DPP4: variants seen among roughly 807,000 people sequenced by gnomAD.
DPP4 encodes the protein ADCP-2.
A neutral mutation model predicts 122.4 loss-of-function variants in DPP4; 93 were observed. The ratio of observed to expected loss-of-function variants is 0.76; its 90% CI spans 0.64 to 0.90. DPP4 has a LOEUF of 0.90. Ranked by LOEUF, DPP4 falls within the 40% of genes least tolerant of loss-of-function variation. DPP4 has a pLI of 0.00. For synonymous variants in DPP4, 321 were observed against 302.9 expected, an observed-to-expected ratio of 1.06 and a Z score of -0.62; for missense variants, 914 against 907.3, an observed-to-expected ratio of 1.01 and a Z score of -0.09.
chr2:161,995,984 G>A (rs1259125937), intron 23 of DPP4, among the ~76,000 whole-genome samples: 3 of 152,076 alleles, frequency 2.0e-5, no homozygotes, highest in Non-Finnish European at 4.4e-5. Context: ...AGTGGCCTTA[G>A]AAAATCAGTG....
At chr2:162,039,575 T>C (rs1269275758) in intron 5 of DPP4, among the ~76,000 whole-genome samples, 2 of 152,116 alleles carry the variant, frequency 1.3e-5, no homozygotes, top group African/African-American at 4.8e-5. Flanking sequence ...CTGATGGTGA[T>C]GTGAAGAAAT....
intron 2 of DPP4, among the ~76,000 whole-genome samples, chr2:162,049,509 A>C (rs1223223370): frequency 1.3e-5 from 2 of 152,174 alleles, no homozygotes; most frequent in African/African-American, 4.8e-5. Flanking sequence ...GAGAGAGAGC[A>C]TCAGGAAGAA....
At chr2:161,995,211 A>T in intron 24 of DPP4, 89 bp downstream of exon 24, 1 of 1,366,486 alleles carries the variant, frequency 7.3e-7, no homozygotes, top group East Asian at 2.3e-5. Flanking sequence ...AGTAAATGTA[A>T]CAGTCTTGCC....
chr2:162,038,883 T>G, intron 7 of DPP4, 66 bp downstream of exon 7: 1 of 1,363,338 alleles, frequency 7.3e-7, no homozygotes, highest in Non-Finnish European at 1.1e-6. Context: ...TGTATCAGGG[T>G]TAGTAACTTC....
chr2:162,000,733 TCTC>T (rs1701126396), intron 23 of DPP4, among the ~76,000 whole-genome samples: 1 of 152,186 alleles, frequency 6.6e-6, no homozygotes, highest in Admixed American at 6.5e-5. Flanking sequence ...GCAAAATAAA[TCTC>T]CTCTACAAGT....
At chr2:162,019,325 G>T in intron 14 of DPP4, 49 bp from the exon 15 acceptor site, 1 of 1,315,954 alleles carries the variant, frequency 7.6e-7, no homozygotes, top group Non-Finnish European at 1.1e-6. Context: ...TTTTTAAGAA[G>T]TCAGAGGCGA....
chr2:162,057,303 G>C (rs1015326185), intron 2 of DPP4, among the ~76,000 whole-genome samples: 35 of 152,188 alleles, frequency 2.3e-4, no homozygotes, highest in Admixed American at 2.3e-3. Flanking sequence ...TGTTAGGTCA[G>C]CACACTTCCG....
intron 4 of DPP4, among the ~76,000 whole-genome samples, chr2:162,046,073 GC>G (rs1443957324): frequency 6.6e-6 from 1 of 152,046 alleles, no homozygotes; most frequent in Non-Finnish European, 1.5e-5. Flanking sequence ...CTATTTTTTT[GC>G]ATGTGGAAGT....
chr2:161,994,822 T>C, intron 25 of DPP4, 139 bp downstream of exon 25: 1 of 703,030 alleles, frequency 1.4e-6, no homozygotes, highest in Non-Finnish European at 2.4e-6. Context: ...GATACCACTC[T>C]TCTGACTTCA....
intron 2 of DPP4, among the ~76,000 whole-genome samples, chr2:162,063,265 G>T (rs1013720762): frequency 5.9e-5 from 9 of 152,166 alleles, no homozygotes; most frequent in Non-Finnish European, 1.5e-5. Flanking sequence ...GAAGATGTCA[G>T]TATGAGATGC....
At chr2:162,049,040 T>C (rs1307010409) in intron 2 of DPP4, among the ~76,000 whole-genome samples, 1 of 152,160 alleles carries the variant, frequency 6.6e-6, no homozygotes, top group African/African-American at 2.4e-5. Flanking sequence ...GCTTAAAGTA[T>C]TTTTTCTCAA....
At position 162,005,818 on chromosome 2, in the gene DPP4, G is replaced by T; in HGVS notation, c.1988-9C>A. 1.9e-6 allele frequency: 3 copies of T among 1,586,004 alleles called. No homozygotes were observed. Among genetic ancestry groups the T allele is most frequent in the African/African-American group, 2.7e-5 (2 of 73,096 alleles). ...TTCTGTGTACACTGAGTCTGTGAAAGAAAAAAAAATAAAAAAAAGTTTAAT... is the reference window on the plus strand; with the variant it reads ...TTCTGTGTACACTGAGTCTGTGAAATAAAAAAAAATAAAAAAAAGTTTAAT... On this transcript the variant is annotated splice_polypyrimidine_tract_variant and intron_variant, in intron 22 of 25. Coordinates refer to ENST00000360534, the MANE Select transcript of DPP4 (RefSeq NM_001935.4).
chr2:162,052,767 G>A (rs1050001440), intron 2 of DPP4, among the ~76,000 whole-genome samples: 1 of 152,180 alleles, frequency 6.6e-6, no homozygotes, highest in South Asian at 2.1e-4. Context: ...GAAGAGAGCT[G>A]TGGATAGAAC....
intron 10 of DPP4, among the ~76,000 whole-genome samples, chr2:162,029,875 C>T (rs1576050642): frequency 6.6e-6 from 1 of 152,168 alleles, no homozygotes; most frequent in African/African-American, 2.4e-5. Flanking sequence ...ATTTTGAAGT[C>T]TATCCATAGT....
At chr2:162,060,735 ACT>A (rs558401742) in intron 2 of DPP4, among the ~76,000 whole-genome samples, 50 of 152,084 alleles carry the variant, frequency 3.3e-4, no homozygotes, top group Middle Eastern at 3.4e-3. Flanking sequence ...TTTCCTTAGA[ACT>A]CTGAGGGAGA....
Position 162,074,155 on chromosome 2 carries a change from G to T in DPP4, c.-174C>A. 2 of 1,328,830 alleles carry T rather than the reference G, an allele frequency of 1.5e-6. No individual in the cohort carries two copies. The highest frequency in any genetic ancestry group is 9.6e-7 in the Non-Finnish European group (1 of 1,041,328). The allele number at this position is 1,328,830 out of a possible 1,614,324, so 82.3% of individuals were successfully genotyped here. ...AGCGCCGAGCCCGCTGGGTATAAAG[G>T]CGCCGCGGGCAGGCTGCAGGGCAGG... On this transcript the variant is annotated 5_prime_UTR_variant, in exon 1 of 26. Transcript: ENST00000360534.
chr2:162,032,343 T>A (rs184305730), intron 10 of DPP4: 1 of 152,326 alleles, frequency 6.6e-6, no homozygotes, highest in Non-Finnish European at 1.5e-5. Context: ...CATGTGATAA[T>A]CCCTGTGTCT....
rs530261310 is a variant in DPP4 at position 162,033,045 on chromosome 2, A to T, written c.887+496T>A. On this transcript the variant is annotated intron_variant, in intron 10 of 25. Transcript: ENST00000360534. ...CCCCAACCTCCTTGCATTTCCTCCAACACCCCAAGCACATCTCCTCTGCAG... is the reference window on the plus strand; with the variant it reads ...CCCCAACCTCCTTGCATTTCCTCCATCACCCCAAGCACATCTCCTCTGCAG... 1.1e-3 allele frequency among the ~76,000 whole-genome samples: 166 copies of T among 152,086 alleles called. 1 individual carries two copies. Among genetic ancestry groups the T allele is most frequent in the Non-Finnish European group, 1.8e-3 (121 of 67,962 alleles).
intron 21 of DPP4, among the ~76,000 whole-genome samples, chr2:162,008,981 T>C (rs547547009): frequency 1.3e-5 from 2 of 152,042 alleles, no homozygotes; most frequent in East Asian, 3.9e-4. Context: ...AGAAAAAGTC[T>C]CCCTCCTTCC....
Sources: gnomAD v4.1 joint callset for allele counts (sites outside exome capture counted in the v4.1 genomes callset) on GRCh38, gnomAD v4.1.1 for gene constraint, MANE v1.5 for transcripts, NCBI Gene and HGNC (gene_info 2026-07-23, HGNC 2026-07-21) for gene names.